Variants in GLB1 observed in about 807,000 individuals in gnomAD.
GLB1 encodes beta-galactosidase.
In GLB1, 56 loss-of-function variants were observed where a neutral mutation model predicts 74.0. The observed-to-expected ratio is 0.76, with a 90% confidence interval of 0.61 to 0.94. The LOEUF (loss-of-function observed/expected upper bound fraction) is 0.94, where lower values mean the gene tolerates loss of function less well. Ranked by LOEUF, GLB1 falls within the 40% of genes least tolerant of loss-of-function variation. GLB1 has a pLI of 0.00. For synonymous variants in GLB1, 323 were observed against 323.6 expected, an observed-to-expected ratio of 1.00 and a Z score of 0.02; for missense variants, 787 against 845.5, an observed-to-expected ratio of 0.93 and a Z score of 0.86.
intron 1 of GLB1, among the ~76,000 whole-genome samples, chr3:33,082,132 A>C (rs1398878368): frequency 6.6e-6 from 1 of 152,250 alleles, no homozygotes; most frequent in Non-Finnish European, 1.5e-5. Context: ...ACTACTGGAT[A>C]CAGTCTGAAC....
At chr3:33,059,862 T>C (rs1699373696) in intron 5 of GLB1, among the ~76,000 whole-genome samples, 1 of 152,232 alleles carries the variant, frequency 6.6e-6, no homozygotes, top group Non-Finnish European at 1.5e-5. Context: ...CAAAAATATT[T>C]GTGATCCTGG....
intron 1 of GLB1, among the ~76,000 whole-genome samples, chr3:33,078,947 G>A (rs1258445543): frequency 2.6e-5 from 4 of 152,012 alleles, no homozygotes; most frequent in Non-Finnish European, 5.9e-5. Context: ...GGGTTCAAGC[G>A]ATTCTCCTGC....
intron 10 of GLB1, among the ~76,000 whole-genome samples, chr3:33,040,774 G>A (rs6805766): frequency 0.61 from 93,129 of 152,030 alleles, 29,651 homozygotes; most frequent in Middle Eastern, 0.7. Flanking sequence ...TGATCAAATA[G>A]AGATATATAA....
intron 15 of GLB1, among the ~76,000 whole-genome samples, chr3:33,001,533 C>T (rs377627887): frequency 6.6e-6 from 1 of 152,148 alleles, no homozygotes; most frequent in Non-Finnish European, 1.5e-5. Context: ...CACTCACTAT[C>T]CTTTCATTTT....
chr3:32,993,708 T>A (rs1298356971), downstream of GLB1, among the ~76,000 whole-genome samples: 1 of 151,812 alleles, frequency 6.6e-6, no homozygotes, highest in Non-Finnish European at 1.5e-5. Context: ...CTAATTTTTG[T>A]ATTTTTTAGT....
At chr3:32,988,331 A>T in the GLB1 span, among the ~76,000 whole-genome samples, 2 of 152,196 alleles carry the variant, frequency 1.3e-5, no homozygotes, top group Admixed American at 1.3e-4. Flanking sequence ...TTGGTCACTA[A>T]GAGAAAGAGG....
At chr3:33,018,372 T>C in intron 13 of GLB1, 76 bp downstream of exon 13, 1 of 1,311,542 alleles carries the variant, frequency 7.6e-7, no homozygotes, top group Non-Finnish European at 1.1e-6. Context: ...AGACCCCAAA[T>C]GCTGTGTTAA....
intron 2 of GLB1, among the ~76,000 whole-genome samples, chr3:33,071,893 G>A (rs1699902761): frequency 6.6e-6 from 1 of 152,160 alleles, no homozygotes; most frequent in Non-Finnish European, 1.5e-5. Flanking sequence ...ATGCCACCCA[G>A]AAAGGCCAAG....
intron 1 of GLB1, chr3:33,091,815 A>ACCAGC: frequency 4.1e-6 from 4 of 985,400 alleles, no homozygotes; most frequent in Non-Finnish European, 4.8e-6. Context: ...CCAGCAGGAA[A>ACCAGC]CCAGCCCAGC....
the GLB1 span, among the ~76,000 whole-genome samples, chr3:32,986,375 T>C: frequency 6.6e-6 from 1 of 152,240 alleles, no homozygotes; most frequent in African/African-American, 2.4e-5. Flanking sequence ...TGTTGCTTGT[T>C]ATGTAACATA....
chr3:33,018,241 G>A (rs763554153), intron 13 of GLB1, among the ~76,000 whole-genome samples: 1 of 129,796 alleles, frequency 7.7e-6, no homozygotes, highest in African/African-American at 3.0e-5. Flanking sequence ...AGCTGTGATT[G>A]CACCACTGCA....
chr3:33,054,847 G>T (rs912473744), intron 6 of GLB1, among the ~76,000 whole-genome samples: 5 of 152,158 alleles, frequency 3.3e-5, no homozygotes, highest in Non-Finnish European at 7.4e-5. Flanking sequence ...ACTGGGGAAA[G>T]AGGAAGCATG....
rs2125585954 is a variant in GLB1 at position 33,093,689 on chromosome 3, T to C, written c.75+3322A>G. On this transcript the variant is annotated intron_variant, in intron 1 of 15. Coordinates refer to ENST00000307363, the MANE Select transcript of GLB1 (RefSeq NM_000404.4). This position sits in a 1 kb window ranked among gnomAD's most constrained non-coding sequence, Gnocchi z 6.0. ...CGCTGAGCACAGCAGTCACTCCCAC[T>C]GCCAGGGCAGGCCTGAGCACGAGCT... The C allele has an allele frequency of 6.2e-7, 1 of 1,614,186 alleles. No homozygotes were observed. The highest frequency in any genetic ancestry group is 8.5e-7 in the Non-Finnish European group (1 of 1,180,028).
chr3:33,079,144 G>A (rs1345686282), intron 1 of GLB1, among the ~76,000 whole-genome samples: 5 of 152,140 alleles, frequency 3.3e-5, no homozygotes, highest in African/African-American at 1.2e-4. Context: ...CTAATCTATG[G>A]TGGAAGAAAA....
At chr3:33,088,869 T>C (rs982340503) in intron 1 of GLB1, among the ~76,000 whole-genome samples, 1 of 152,194 alleles carries the variant, frequency 6.6e-6, no homozygotes, top group East Asian at 1.9e-4. Flanking sequence ...GACTCATACC[T>C]CCTGATTTCA....
rs543346189 is a variant in GLB1 at position 33,003,707 on chromosome 3, C to G, written c.1735-6363G>C. ...GACCTGTGGGATATTGAACAGATGG[C>G]CCCAATTATTAGTGGGTCCCTCTAT... On this transcript the variant is annotated intron_variant, in intron 15 of 15. Transcript: ENST00000307363. Among the ~76,000 whole-genome samples, 6 of 152,264 alleles carry G rather than the reference C, an allele frequency of 3.9e-5. No homozygotes were observed. The South Asian group carries it at 1.2e-3, about 32-fold the overall frequency.
the GLB1 span, among the ~76,000 whole-genome samples, chr3:32,982,185 T>C: frequency 1.3e-5 from 2 of 151,920 alleles, no homozygotes; most frequent in Admixed American, 1.3e-4. Context: ...TGGTGGCGCA[T>C]GCCTGTAATC....
chr3:33,026,622 A>G (rs1697771650), intron 10 of GLB1, among the ~76,000 whole-genome samples: 1 of 152,108 alleles, frequency 6.6e-6, no homozygotes, highest in Non-Finnish European at 1.5e-5. Context: ...TGGGCCTGCC[A>G]ATGGCCGCCA....
In GLB1 at chr3:33,051,878, C is replaced by T. The variant is rs765185238; in HGVS notation, c.914+5G>A. Reference sequence around the variant, plus strand: ...GCACCCTCCCCTCAGGCAATGAACACTCACAAGTTCACACTCGCCCCACGG... The same window carrying T: ...GCACCCTCCCCTCAGGCAATGAACATTCACAAGTTCACACTCGCCCCACGG... On this transcript the variant is annotated splice_donor_5th_base_variant and intron_variant, in intron 8 of 15. Coordinates refer to ENST00000307363, the MANE Select transcript of GLB1 (RefSeq NM_000404.4). The T allele has an allele frequency of 1.2e-6, 2 of 1,614,256 alleles. No homozygotes were observed. Among genetic ancestry groups the T allele is most frequent in the Admixed American group, 1.7e-5 (1 of 60,038 alleles).
Sources: allele counts gnomAD v4.1 joint callset (sites outside exome capture counted in the v4.1 genomes callset), GRCh38; gene constraint gnomAD v4.1.1; non-coding constraint Gnocchi (gnomAD v3.1); transcripts MANE v1.5; gene names NCBI Gene and HGNC (gene_info 2026-07-23, HGNC 2026-07-21).